Variants in ROR1 observed in about 807,000 individuals in gnomAD.
ROR1 encodes the protein ROR family WNT receptor 1, also known as inactive tyrosine-protein kinase transmembrane receptor ROR1.
ROR1 carries 19 observed loss-of-function variants against 78.8 expected under a neutral mutation model. The ratio of observed to expected loss-of-function variants is 0.24; its 90% CI spans 0.17 to 0.35. The LOEUF is 0.35. Ranked by LOEUF, ROR1 falls within the 10% of genes least tolerant of loss-of-function variation. The probability of loss-of-function intolerance (pLI) is 1.00; values close to 1 mark genes in which losing one functional copy is unlikely to be tolerated. For missense variants in ROR1, 917 were observed against 1,177.8 expected, an observed-to-expected ratio of 0.78 and a Z score of 3.24; for synonymous variants, 386 against 433.6, an observed-to-expected ratio of 0.89 and a Z score of 1.36.
intron 2 of ROR1, among the ~76,000 whole-genome samples, chr1:64,037,268 C>T (rs779705871): frequency 6.6e-6 from 1 of 152,146 alleles, no homozygotes; most frequent in African/African-American, 2.4e-5. Flanking sequence ...TAGTTTTCTA[C>T]ATCTCTGCTT....
intron 4 of ROR1, among the ~76,000 whole-genome samples, chr1:64,053,134 TAC>T (rs1223786901): frequency 6.6e-6 from 1 of 152,192 alleles, no homozygotes; most frequent in Non-Finnish European, 1.5e-5. Flanking sequence ...AGGAATGAAA[TAC>T]AGTTATAAAT....
intron 1 of ROR1, among the ~76,000 whole-genome samples, chr1:63,929,452 A>T (rs539178668): frequency 2.0e-5 from 3 of 152,106 alleles, no homozygotes; most frequent in Admixed American, 1.3e-4. Flanking sequence ...GGTTGCTTTC[A>T]TAAAACTTTG....
intron 1 of ROR1, among the ~76,000 whole-genome samples, chr1:63,903,434 G>T (rs1294052639): frequency 6.9e-6 from 1 of 145,694 alleles, no homozygotes. Context: ...TCCATTTTAG[G>T]TTTTTTTTTT....
intron 1 of ROR1, among the ~76,000 whole-genome samples, chr1:63,798,724 A>G (rs942195423): frequency 2.6e-5 from 4 of 152,120 alleles, no homozygotes; most frequent in African/African-American, 7.2e-5. Context: ...GAGATGAACC[A>G]TTATTCCAGG....
rs553551666 is a variant in ROR1, at chr1:63,793,891, A to T, written c.91+19383A>T. 4.6e-5 allele frequency among the ~76,000 whole-genome samples: 7 copies of T among 152,304 alleles called. No homozygotes were observed. The East Asian group carries it at 1.4e-3, about 29-fold the overall frequency. On this transcript the variant is annotated intron_variant, in intron 1 of 8. Coordinates refer to ENST00000371079, the MANE Select transcript of ROR1 (RefSeq NM_005012.4). ...TGCTGCCCTCCCCGCTGGGGTTGGGATAACAGCCTCCTGGGGACTGTGGCT... is the reference window on the plus strand; with the variant it reads ...TGCTGCCCTCCCCGCTGGGGTTGGGTTAACAGCCTCCTGGGGACTGTGGCT...
chr1:64,108,906 C>G (rs77280014), intron 4 of ROR1, among the ~76,000 whole-genome samples: 20,474 of 152,170 alleles, frequency 0.13, 1,564 homozygotes, highest in African/African-American at 0.18. Flanking sequence ...GTTTAGGACC[C>G]TGTCCTAGTC....
At chr1:63,895,515 G>A (rs1031718179) in intron 1 of ROR1, among the ~76,000 whole-genome samples, 5 of 152,144 alleles carry the variant, frequency 3.3e-5, no homozygotes, top group African/African-American at 1.2e-4. Context: ...GTCAGGGTGA[G>A]GTTTTGGCAT....
intron 4 of ROR1, among the ~76,000 whole-genome samples, chr1:64,095,928 C>T (rs1171097360): frequency 1.3e-5 from 2 of 152,096 alleles, no homozygotes; most frequent in Non-Finnish European, 2.9e-5. Context: ...AAGATTAGTC[C>T]TTAGATCTTT....
intron 1 of ROR1, among the ~76,000 whole-genome samples, chr1:63,992,221 T>A (rs1161033703): frequency 1.3e-5 from 2 of 151,832 alleles, no homozygotes; most frequent in African/African-American, 2.4e-5. Flanking sequence ...TTATTTATTT[T>A]TTGAGATGGA....
chr1:64,003,985 G>A (rs1208942268), intron 1 of ROR1, among the ~76,000 whole-genome samples: 1 of 152,192 alleles, frequency 6.6e-6, no homozygotes, highest in African/African-American at 2.4e-5. Flanking sequence ...CCCCTTCTAT[G>A]TGACTGACCC....
intron 1 of ROR1, among the ~76,000 whole-genome samples, chr1:63,954,692 C>G (rs1272182257): frequency 6.6e-6 from 1 of 152,102 alleles, no homozygotes; most frequent in Non-Finnish European, 1.5e-5. Flanking sequence ...TACAGTATAA[C>G]AGCTATTTAC....
chr1:63,888,969 C>T (rs1204671827), intron 1 of ROR1, among the ~76,000 whole-genome samples: 7 of 152,136 alleles, frequency 4.6e-5, no homozygotes, highest in Admixed American at 4.6e-4. Flanking sequence ...AATCCACATG[C>T]AACTTGGCTG....
chr1:63,811,528 T>C (rs1002054295), intron 1 of ROR1, among the ~76,000 whole-genome samples: 1 of 152,222 alleles, frequency 6.6e-6, no homozygotes, highest in East Asian at 1.9e-4. Flanking sequence ...TGTGGGCAGC[T>C]GATTTTAGTA....
chr1:63,846,273 T>G (rs935588971), intron 1 of ROR1, among the ~76,000 whole-genome samples: 5 of 152,056 alleles, frequency 3.3e-5, no homozygotes, highest in African/African-American at 1.2e-4. Flanking sequence ...ATACCAGAGT[T>G]ATTTTCTATT....
intron 1 of ROR1, among the ~76,000 whole-genome samples, chr1:63,912,943 C>T (rs1645583002): frequency 6.6e-6 from 1 of 152,102 alleles, no homozygotes; most frequent in Admixed American, 6.6e-5. Flanking sequence ...AATGGGCAAA[C>T]TTGGCGGGGG....
At chr1:64,143,501 A>G in intron 7 of ROR1, 3 of 780,686 alleles carry the variant, frequency 3.8e-6, no homozygotes, top group Non-Finnish European at 4.7e-6. Flanking sequence ...GAGAGTCAGG[A>G]TGTCACTGCT....
intron 1 of ROR1, among the ~76,000 whole-genome samples, chr1:63,861,472 G>A (rs1645181194): frequency 6.6e-6 from 1 of 152,122 alleles, no homozygotes; most frequent in African/African-American, 2.4e-5. Flanking sequence ...TCTCTAGGAA[G>A]GCCAGAACAC....
At chr1:64,146,242 G>A (rs769088601) in intron 7 of ROR1, among the ~76,000 whole-genome samples, 8 of 152,170 alleles carry the variant, frequency 5.3e-5, no homozygotes, top group Non-Finnish European at 8.8e-5. Context: ...TTGGGAGGCC[G>A]TGGCAGGCAG....
intron 2 of ROR1, among the ~76,000 whole-genome samples, chr1:64,044,176 C>T (rs550642723): frequency 6.6e-6 from 1 of 152,304 alleles, no homozygotes; most frequent in African/African-American, 2.4e-5. Context: ...TCATACCGTT[C>T]AGGGCCTGAG....
Sources: gnomAD v4.1 joint callset for allele counts (sites outside exome capture counted in the v4.1 genomes callset) on GRCh38, gnomAD v4.1.1 for gene constraint, MANE v1.5 for transcripts, NCBI Gene and HGNC (gene_info 2026-07-23, HGNC 2026-07-21) for gene names.